CEP112: variants seen among roughly 807,000 people sequenced by gnomAD.
CEP112 encodes centrosomal protein of 112 kDa.
A neutral mutation model predicts 153.0 loss-of-function variants in CEP112; 127 were observed. The ratio of observed to expected loss-of-function variants is 0.83; its 90% CI spans 0.72 to 0.96. The LOEUF is 0.96. Among genes scored for constraint, CEP112 ranks in the 40% least tolerant of loss-of-function variants. The pLI is 0.00. For synonymous variants in CEP112, 358 were observed against 374.4 expected, an observed-to-expected ratio of 0.96 and a Z score of 0.51; for missense variants, 1,089 against 1,101.2, an observed-to-expected ratio of 0.99 and a Z score of 0.16.
chr17:65,728,099 G>A (rs1437026143), intron 23 of CEP112, among the ~76,000 whole-genome samples: 4 of 152,180 alleles, frequency 2.6e-5, no homozygotes, highest in Non-Finnish European at 4.4e-5. Context: ...AGGCCACAAC[G>A]TTAAAAGCTA....
chr17:65,702,790 G>C (rs182426828), intron 23 of CEP112, among the ~76,000 whole-genome samples: 1 of 152,096 alleles, frequency 6.6e-6, no homozygotes, highest in Non-Finnish European at 1.5e-5. Flanking sequence ...GCAAAGGCAC[G>C]TCTTACATGG....
intron 23 of CEP112, among the ~76,000 whole-genome samples, chr17:65,722,883 G>A (rs552382477): frequency 9.8e-5 from 15 of 152,296 alleles, no homozygotes; most frequent in Middle Eastern, 3.4e-3. Flanking sequence ...ATCAGTCTTC[G>A]TGAAAAAGCA....
intron 8 of CEP112, among the ~76,000 whole-genome samples, chr17:66,076,302 G>A (rs529088174): frequency 2.0e-5 from 3 of 152,224 alleles, no homozygotes; most frequent in South Asian, 4.1e-4. Context: ...GAACTAGGTA[G>A]CCTGGGGCAA....
At chr17:65,967,738 A>G (rs1046367005) in intron 17 of CEP112, among the ~76,000 whole-genome samples, 3 of 152,172 alleles carry the variant, frequency 2.0e-5, no homozygotes, top group African/African-American at 7.2e-5. Context: ...TAAACAGTTT[A>G]AAGTTTATGT....
At chr17:66,025,637 C>G (rs2065169177) in intron 16 of CEP112, among the ~76,000 whole-genome samples, 1 of 151,800 alleles carries the variant, frequency 6.6e-6, no homozygotes, top group Non-Finnish European at 1.5e-5. Flanking sequence ...CTATTATTAA[C>G]AAGTCAAAAA....
At chr17:65,936,940 C>T (rs1278072025) in intron 18 of CEP112, among the ~76,000 whole-genome samples, 3 of 151,200 alleles carry the variant, frequency 2.0e-5, no homozygotes, top group Admixed American at 6.6e-5. Flanking sequence ...CTCAGCCTGC[C>T]GAGTGCCTGC....
At chr17:66,070,025 TG>T (rs2067255300) in intron 8 of CEP112, 24 bp from the exon 9 acceptor site, 5 of 1,422,280 alleles carry the variant, frequency 3.5e-6, no homozygotes, top group Non-Finnish European at 4.9e-6. Context: ...ATTTCAAGGG[TG>T]TTATTAATTT....
chr17:65,769,389 T>C (rs2053201540), intron 21 of CEP112, among the ~76,000 whole-genome samples: 1 of 144,124 alleles, frequency 6.9e-6, no homozygotes, highest in Non-Finnish European at 1.5e-5. Flanking sequence ...AAAATTTCAA[T>C]GACAGTCTTC....
chr17:65,976,824 C>T (rs181784418), intron 17 of CEP112, among the ~76,000 whole-genome samples: 7,591 of 147,436 alleles, frequency 0.051, 277 homozygotes, highest in Non-Finnish European at 0.074. Flanking sequence ...CTGCAACCTC[C>T]ACCTCCCAGG....
At chr17:65,746,715 T>C (rs887984967) in intron 22 of CEP112, among the ~76,000 whole-genome samples, 9 of 152,046 alleles carry the variant, frequency 5.9e-5, no homozygotes, top group Non-Finnish European at 1.2e-4. Context: ...ACCTGGCAAA[T>C]TGAATTCAGA....
intron 24 of CEP112, among the ~76,000 whole-genome samples, chr17:65,682,284 G>A (rs1369212822): frequency 6.6e-6 from 1 of 152,030 alleles, no homozygotes; most frequent in African/African-American, 2.4e-5. Flanking sequence ...GAGCCACCGC[G>A]CCCAGCCTGA....
chr17:65,769,050 C>CA (rs1294000187), intron 21 of CEP112, among the ~76,000 whole-genome samples: 2 of 151,792 alleles, frequency 1.3e-5, no homozygotes, highest in Non-Finnish European at 1.5e-5. Context: ...AGATTGCACA[C>CA]AAAAACCTAT....
chr17:65,669,773 G>T (rs1236261429), intron 24 of CEP112, among the ~76,000 whole-genome samples: 1 of 152,032 alleles, frequency 6.6e-6, no homozygotes, highest in African/African-American at 2.4e-5. Context: ...CATGGTGGAG[G>T]GCACCTGTAG....
intron 23 of CEP112, among the ~76,000 whole-genome samples, chr17:65,719,362 G>A (rs1363935824): frequency 6.6e-6 from 1 of 152,198 alleles, no homozygotes; most frequent in Non-Finnish European, 1.5e-5. Flanking sequence ...ATCACTTGAG[G>A]TCAGGAGTTC....
intron 11 of CEP112, among the ~76,000 whole-genome samples, chr17:66,062,520 T>C (rs1343359493): frequency 6.6e-6 from 1 of 152,066 alleles, no homozygotes; most frequent in Non-Finnish European, 1.5e-5. Context: ...CCCTAAAAAA[T>C]GTAAAATCAT....
chr17:66,107,334 G>T (rs2068827571), intron 6 of CEP112, among the ~76,000 whole-genome samples: 1 of 151,994 alleles, frequency 6.6e-6, no homozygotes, highest in Non-Finnish European at 1.5e-5. Context: ...ATGCAAATTG[G>T]AAAGGAAGAA....
chr17:65,974,433 T>G (rs901387424), intron 17 of CEP112, among the ~76,000 whole-genome samples: 1 of 152,176 alleles, frequency 6.6e-6, no homozygotes, highest in Non-Finnish European at 1.5e-5. Context: ...GTAACCTTTA[T>G]GGAGGAAAAT....
At chr17:65,655,420 T>G in intron 24 of CEP112, 99 of 1,318,920 alleles carry the variant, frequency 7.5e-5, no homozygotes, top group Non-Finnish European at 9.1e-5. Context: ...GACATGAAGA[T>G]AACATTTTGT....
chr17:65,839,424 T>C (rs1049205707), intron 21 of CEP112, among the ~76,000 whole-genome samples: 2 of 151,238 alleles, frequency 1.3e-5, no homozygotes, highest in Non-Finnish European at 2.9e-5. Context: ...GTCACTTTAG[T>C]AGATGCTGAA....
Sources: gnomAD v4.1 joint callset for allele counts (sites outside exome capture counted in the v4.1 genomes callset) on GRCh38, gnomAD v4.1.1 for gene constraint, MANE v1.5 for transcripts, NCBI Gene and HGNC (gene_info 2026-07-23, HGNC 2026-07-21) for gene names.